The following IL16 variants were observed in gnomAD, a reference collection of about 807,000 sequenced individuals.
The protein encoded by IL16 is pro-interleukin-16.
IL16 carries 67 observed loss-of-function variants against 110.1 expected under a neutral mutation model. The observed-to-expected ratio is 0.61, with a 90% CI of 0.50 to 0.75. The LOEUF is 0.75. Ranked by LOEUF, IL16 falls within the 30% of genes least tolerant of loss-of-function variation. IL16 has a pLI of 0.00. For missense variants in IL16, 1,545 were observed against 1,655.0 expected, an observed-to-expected ratio of 0.93 and a Z score of 1.15; for synonymous variants, 689 against 662.9, an observed-to-expected ratio of 1.04 and a Z score of -0.61.
At chr15:81,199,056 TATATAA>T (rs1291977298) in intron 1 of IL16, among the ~76,000 whole-genome samples, 3 of 140,662 alleles carry the variant, frequency 2.1e-5, no homozygotes, top group Admixed American at 7.1e-5. Flanking sequence ...TATATATATA[TATATAA>T]AATACATATT....
At chr15:81,291,202 A>G (rs1279483269) in intron 11 of IL16, among the ~76,000 whole-genome samples, 1 of 152,244 alleles carries the variant, frequency 6.6e-6, no homozygotes, top group African/African-American at 2.4e-5. Flanking sequence ...TATTGACAAG[A>G]AATTAAATGA....
chr15:81,201,358 C>T (rs908057827), intron 1 of IL16, among the ~76,000 whole-genome samples: 3 of 152,118 alleles, frequency 2.0e-5, no homozygotes, highest in African/African-American at 7.2e-5. Flanking sequence ...CTGAAAAATT[C>T]TTTCAGGCCA....
At chr15:81,204,200 T>C (rs1468823965) in intron 1 of IL16, among the ~76,000 whole-genome samples, 5 of 152,216 alleles carry the variant, frequency 3.3e-5, no homozygotes, top group South Asian at 4.1e-4. Context: ...TGAAGTTGCC[T>C]ATCAGCTTAA....
At chr15:81,251,700 T>C (rs1897774944) in intron 2 of IL16, among the ~76,000 whole-genome samples, 1 of 152,230 alleles carries the variant, frequency 6.6e-6, no homozygotes. Context: ...CTTAGGGCTC[T>C]TGATAGTCAT....
rs1953946810 is a variant in IL16, at chr15:81,297,229, C to T, written c.2053+151C>T. ...GATCAACAGTCAAGGGTTCCAGGTG[C>T]TGGGCAGCAGCACCGTGGAGGTGCT... is the stretch of plus-strand genomic sequence containing the variant. On this transcript the variant is annotated intron_variant, in intron 13 of 18. Transcript: ENST00000683961. 7.9e-6 allele frequency: 6 copies of T among 762,422 alleles called. No homozygotes were observed. The East Asian group carries it at 8.7e-5, about 11-fold the overall frequency. The allele number at this position is 762,422 out of a possible 1,614,324, so 47.2% of individuals were successfully genotyped here.
Position 81,205,028 on chromosome 15 carries a change from C to T in IL16, c.-102+7876C>T, listed in dbSNP as rs138150425. Among the ~76,000 whole-genome samples, 867 of 152,080 alleles carry T rather than the reference C, an allele frequency of 5.7e-3. 6 individuals are homozygous for T. The highest frequency in any genetic ancestry group is 0.01 in the Middle Eastern group (3 of 294). On this transcript the variant is annotated intron_variant, in intron 1 of 18. Transcript: ENST00000683961. ...ATAAAGCAAATGATAAATCTTAGAC[C>T]GGGCGCAGTGGCTCACACTTGTAAC...
rs567484039 is a variant in IL16, at chr15:81,236,884, G to C, written c.312+11173G>C. Among the ~76,000 whole-genome samples, 3 of 152,266 alleles carry C rather than the reference G, an allele frequency of 2.0e-5. No individual in the cohort carries two copies. The East Asian group carries it at 5.8e-4, about 29-fold the overall frequency. On this transcript the variant is annotated intron_variant, in intron 2 of 18. Coordinates refer to ENST00000683961, the MANE Select transcript of IL16 (RefSeq NM_172217.5). ...AGGCAGGGAGAATTGCTTGAACCCG[G>C]GAAGTGGAGGTTGCAGTGAGCTGAG...
Position 81,313,464 on chromosome 15 carries a change from C to A in IL16, c.*4666C>A. The A allele has an allele frequency of 7.0e-7, 1 of 1,432,062 alleles. No individual in the cohort carries two copies. Among genetic ancestry groups the A allele is most frequent in the Non-Finnish European group, 9.2e-7 (1 of 1,085,086 alleles). 88.7% of individuals were successfully genotyped at this position (1,432,062 alleles called of 1,614,324 possible). A position where few individuals can be genotyped will look rare whatever the true frequency, so the allele number is the denominator to read the frequency against. ...CAGCAGAGGTGCTGGGGACGAGCGC[C>A]AGGCAGGTGAGCAGAGCCCAGCCCA... On this transcript the variant is annotated 3_prime_UTR_variant, in exon 19 of 19. Coordinates refer to ENST00000683961, the MANE Select transcript of IL16 (RefSeq NM_172217.5).
chr15:81,258,188 A>G (rs768323413), intron 2 of IL16, among the ~76,000 whole-genome samples: 1 of 152,218 alleles, frequency 6.6e-6, no homozygotes, highest in Non-Finnish European at 1.5e-5. Flanking sequence ...CCTCATTATC[A>G]GTCTCTATCC....
intron 5 of IL16, among the ~76,000 whole-genome samples, 162 bp from the exon 6 acceptor site, chr15:81,272,922 GTGTTGT>G (rs67106640): frequency 1.3e-5 from 2 of 149,974 alleles, no homozygotes; most frequent in African/African-American, 4.9e-5. Context: ...GTTGTTGTTG[GTGTTGT>G]TGTTGTTGTT....
chr15:81,301,076 G>A (rs977696760), intron 14 of IL16, among the ~76,000 whole-genome samples: 4 of 152,196 alleles, frequency 2.6e-5, no homozygotes, highest in African/African-American at 7.2e-5. Flanking sequence ...GATGTCAGAC[G>A]TGCCATAGGG....
chr15:81,291,262 T>C (rs1899704455), intron 11 of IL16, among the ~76,000 whole-genome samples: 1 of 152,232 alleles, frequency 6.6e-6, no homozygotes, highest in South Asian at 2.1e-4. Flanking sequence ...ATTTCAGCTC[T>C]GGTTTATTAT....
chr15:81,263,438 T>C (rs781642049), intron 3 of IL16, among the ~76,000 whole-genome samples: 1 of 151,942 alleles, frequency 6.6e-6, no homozygotes, highest in African/African-American at 2.4e-5. Context: ...GGTTTAAACT[T>C]CCCCCAATGG....
Position 81,312,383 on chromosome 15 carries a change from G to T in IL16, c.*3585G>T, listed in dbSNP as rs1389124838. ...ATCTTTCCTGATGGCAGGATGGCCT[G>T]GCCAGGGCCTGGAAGACAGAGACCT... On this transcript the variant is annotated 3_prime_UTR_variant, in exon 19 of 19. Coordinates refer to ENST00000683961, the MANE Select transcript of IL16 (RefSeq NM_172217.5). The T allele has an allele frequency of 6.6e-6, 1 of 152,268 alleles. No homozygotes were observed. The highest frequency in any genetic ancestry group is 1.9e-4 in the East Asian group (1 of 5,192). 9.4% of individuals were successfully genotyped at this position (152,268 alleles called of 1,614,324 possible). A position where few individuals can be genotyped will look rare whatever the true frequency, so the allele number is the denominator to read the frequency against.
At chr15:81,184,361 G>A (rs959548371) in intron 1 of IL16, among the ~76,000 whole-genome samples, 5 of 152,226 alleles carry the variant, frequency 3.3e-5, no homozygotes, top group Non-Finnish European at 7.3e-5. Context: ...CAACACCAGC[G>A]TGGGGTGAGG....
At position 81,305,928 on chromosome 15, in the gene IL16, T is replaced by C; in HGVS notation, c.3441T>C (p.Asn1147=). 6.2e-7 allele frequency: 1 copy of C among 1,614,132 alleles called. No homozygotes were observed. The highest frequency in any genetic ancestry group is 8.5e-7 in the Non-Finnish European group (1 of 1,180,004). Residue 1147 remains asparagine (N), a synonymous_variant, in exon 17 of 19, where the codon AAT becomes AAC. Coordinates refer to ENST00000683961, the MANE Select transcript of IL16 (RefSeq NM_172217.5). Reference sequence around the variant, plus strand: ...CTCAGGTTCACAGAGTGTTTCCAAATGGGCTGGCCTCCCAGGAAGGGACTA... The same window carrying C: ...CTCAGGTTCACAGAGTGTTTCCAAACGGGCTGGCCTCCCAGGAAGGGACTA... ...KVITVHRVFP[N]GLASQEGTIQ...
chr15:81,185,887 G>A (rs1388601379), intron 1 of IL16, among the ~76,000 whole-genome samples: 1 of 152,212 alleles, frequency 6.6e-6, no homozygotes, highest in African/African-American at 2.4e-5. Context: ...GATGGGAAAA[G>A]AAAGTGTTTT....
intron 1 of IL16, among the ~76,000 whole-genome samples, chr15:81,224,420 C>T (rs557920411): frequency 2.6e-5 from 4 of 152,286 alleles, no homozygotes; most frequent in African/African-American, 7.2e-5. Context: ...ATGGGAGGCT[C>T]CTCTTGGCAA....
intron 6 of IL16, among the ~76,000 whole-genome samples, chr15:81,275,780 A>C (rs984000850): frequency 5.3e-5 from 8 of 152,206 alleles, no homozygotes; most frequent in African/African-American, 1.7e-4. Context: ...ACTTCTTTTA[A>C]AAGTAAATAT....
Sources: allele counts gnomAD v4.1 joint callset (sites outside exome capture counted in the v4.1 genomes callset), GRCh38; gene constraint gnomAD v4.1.1; transcripts MANE v1.5; gene names NCBI Gene and HGNC (gene_info 2026-07-23, HGNC 2026-07-21).